The following PDZRN4 variants were observed in gnomAD, a reference collection of about 807,000 sequenced individuals.
PDZRN4 encodes PDZ domain-containing RING finger protein 4.
In PDZRN4, 70 loss-of-function variants were observed where a neutral mutation model predicts 99.0. The ratio of observed to expected loss-of-function variants is 0.71; its 90% confidence interval spans 0.58 to 0.86. The LOEUF (loss-of-function observed/expected upper bound fraction) is 0.86. Among genes scored for constraint, PDZRN4 ranks in the 40% least tolerant of loss-of-function variants. The probability of loss-of-function intolerance (pLI) is 0.00; values close to 1 mark genes in which losing one functional copy is unlikely to be tolerated. For synonymous variants in PDZRN4, 551 were observed against 501.6 expected (o/e 1.10, Z -1.32); for missense variants, 1,474 against 1,331.2 (o/e 1.11, Z -1.67).
chr12:41,476,515 G>C (rs1953044276), intron 3 of PDZRN4, among the ~76,000 whole-genome samples: 1 of 152,110 alleles, frequency 6.6e-6, no homozygotes, highest in South Asian at 2.1e-4. Context: ...CACCCACTTA[G>C]CCCTCATCTA....
chr12:41,284,976 G>A lies in PDZRN4; in HGVS notation c.843+90788G>A, dbSNP rs574274037. Among the ~76,000 whole-genome samples the A allele has an allele frequency of 3.3e-5, 5 of 152,098 alleles. No homozygotes were observed. The East Asian group carries it at 9.7e-4, about 29-fold the overall frequency. On this transcript the variant is annotated intron_variant, in intron 3 of 9. Transcript: ENST00000402685. Reference sequence around the variant, plus strand: ...GGACTTCATGACTAAAACACCAAAAGCAATGACAAAAAAAGCCAAAATAGA... The same window carrying A: ...GGACTTCATGACTAAAACACCAAAAACAATGACAAAAAAAGCCAAAATAGA...
At chr12:41,554,954 A>G (rs1939121354) in intron 6 of PDZRN4, among the ~76,000 whole-genome samples, 1 of 151,282 alleles carries the variant, frequency 6.6e-6, no homozygotes, top group Non-Finnish European at 1.5e-5. Flanking sequence ...CACGCCTGTA[A>G]TCCTAGCACT....
chr12:41,400,481 G>T (rs1952281766), intron 3 of PDZRN4, among the ~76,000 whole-genome samples: 1 of 152,100 alleles, frequency 6.6e-6, no homozygotes, highest in Admixed American at 6.6e-5. Context: ...TTGGGCAGAA[G>T]GCATACTTTA....
chr12:41,551,601 G>C (rs285586), intron 5 of PDZRN4, among the ~76,000 whole-genome samples: 130,784 of 152,128 alleles, frequency 0.86, 56,692 homozygotes, highest in East Asian at 0.97. Flanking sequence ...ATATCCTGTT[G>C]TAGGCACTGG....
chr12:41,509,922 AT>A lies in PDZRN4; in HGVS notation c.1203+13del. On this transcript the variant is annotated intron_variant, in intron 5 of 9. Coordinates refer to ENST00000402685, the MANE Select transcript of PDZRN4 (RefSeq NM_001164595.2). ...AAGACTTTGAATATGAGGTAAGGTC[AT>A]TTTCATACCACTTCACATTTCTTCA... is the stretch of plus-strand genomic sequence containing the variant. 7.6e-7 allele frequency: 1 copy of A among 1,322,054 alleles called. No individual in the cohort carries two copies. Among genetic ancestry groups the A allele is most frequent in the Non-Finnish European group, 1.1e-6 (1 of 926,946 alleles). 81.9% of individuals were successfully genotyped at this position (1,322,054 alleles called of 1,614,324 possible).
chr12:41,300,531 G>GAAAT (rs1162074048), intron 3 of PDZRN4, among the ~76,000 whole-genome samples: 3 of 151,840 alleles, frequency 2.0e-5, no homozygotes, highest in African/African-American at 7.2e-5. Flanking sequence ...ACACATATTA[G>GAAAT]AAATATTTCA....
At chr12:41,381,386 C>T (rs1404067039) in intron 3 of PDZRN4, among the ~76,000 whole-genome samples, 4 of 151,578 alleles carry the variant, frequency 2.6e-5, no homozygotes, top group African/African-American at 9.7e-5. Context: ...TGATGGTATG[C>T]CTTAAGTCTT....
chr12:41,567,641 G>T, intron 8 of PDZRN4, 142 bp from the exon 9 acceptor site: 1 of 368,308 alleles, frequency 2.7e-6, no homozygotes, highest in Non-Finnish European at 4.8e-6. Flanking sequence ...TTCTTTCTGA[G>T]AGGTGAACTG....
intron 3 of PDZRN4, among the ~76,000 whole-genome samples, chr12:41,209,592 T>C (rs1445761816): frequency 2.0e-5 from 3 of 148,470 alleles, no homozygotes; most frequent in Non-Finnish European, 4.5e-5. Context: ...TGAGAACATG[T>C]GGTGTTTGGT....
intron 5 of PDZRN4, among the ~76,000 whole-genome samples, chr12:41,540,558 T>C (rs1232716582): frequency 6.6e-6 from 1 of 152,242 alleles, no homozygotes; most frequent in African/African-American, 2.4e-5. Flanking sequence ...AGGTTTGCAC[T>C]ATATTTTTTG....
At chr12:41,550,298 C>T (rs935867224) in intron 5 of PDZRN4, among the ~76,000 whole-genome samples, 22 of 152,242 alleles carry the variant, frequency 1.4e-4, no homozygotes, top group African/African-American at 5.1e-4. Flanking sequence ...GCTACAGCTC[C>T]TCATTTGTAT....
intron 3 of PDZRN4, among the ~76,000 whole-genome samples, chr12:41,263,294 T>A (rs1050711101): frequency 1.3e-5 from 2 of 152,198 alleles, no homozygotes; most frequent in Non-Finnish European, 2.9e-5. Flanking sequence ...TGCTCATGCC[T>A]GTAATCCCAG....
chr12:41,285,160 G>GAA (rs368077335), intron 3 of PDZRN4, among the ~76,000 whole-genome samples: 1 of 150,992 alleles, frequency 6.6e-6, no homozygotes, highest in Non-Finnish European at 1.5e-5. Flanking sequence ...AAATTTACAA[G>GAA]AAAAAAAACA....
chr12:41,544,259 A>G (rs1425144549), intron 5 of PDZRN4, among the ~76,000 whole-genome samples: 1 of 152,224 alleles, frequency 6.6e-6, no homozygotes, highest in Non-Finnish European at 1.5e-5. Flanking sequence ...TTAATTTTAC[A>G]GTTCATTTTT....
In PDZRN4 at chr12:41,322,629, T is replaced by G. The variant is rs767392303; in HGVS notation, c.843+128441T>G. 2.0e-5 allele frequency among the ~76,000 whole-genome samples: 3 copies of G among 150,740 alleles called. No individual in the cohort carries two copies. The Admixed American group carries it at 2.0e-4, about 10-fold the overall frequency. ...CCCCAGCCTCCTGAGTAGCTGGGAC[T>G]ACAGGTGCCCACCACCACGCCCGGC... is the stretch of plus-strand genomic sequence containing the variant. On this transcript the variant is annotated intron_variant, in intron 3 of 9. Transcript: ENST00000402685.
At chr12:41,236,037 A>AT (rs1323598294) in intron 3 of PDZRN4, among the ~76,000 whole-genome samples, 1 of 152,152 alleles carries the variant, frequency 6.6e-6, no homozygotes, top group African/African-American at 2.4e-5. Flanking sequence ...TATTTGAAAT[A>AT]TTTTTTACAG....
chr12:41,299,176 G>A (rs1951515668), intron 3 of PDZRN4, among the ~76,000 whole-genome samples: 1 of 151,976 alleles, frequency 6.6e-6, no homozygotes, highest in African/African-American at 2.4e-5. Flanking sequence ...AAGAGAGCTG[G>A]CCATTTTCTC....
intron 3 of PDZRN4, among the ~76,000 whole-genome samples, chr12:41,329,907 A>G (rs575328214): frequency 5.3e-5 from 8 of 152,200 alleles, no homozygotes; most frequent in South Asian, 2.1e-4. Context: ...TGAATCCTCA[A>G]TCCTCCCCTA....
chr12:41,304,208 A>AT (rs1161535209), intron 3 of PDZRN4, among the ~76,000 whole-genome samples: 3 of 152,146 alleles, frequency 2.0e-5, no homozygotes, highest in African/African-American at 7.2e-5. Context: ...GTGCTTTCCT[A>AT]TATGTCATAT....
Sources: allele counts gnomAD v4.1 joint callset (sites outside exome capture counted in the v4.1 genomes callset), GRCh38; gene constraint gnomAD v4.1.1; transcripts MANE v1.5; gene names NCBI Gene and HGNC (gene_info 2026-07-23, HGNC 2026-07-21).